The following POLQ variants were observed in gnomAD, a reference collection of about 807,000 sequenced individuals.
POLQ encodes the protein epididymis secretory sperm binding protein.
Under a neutral mutation model 259.2 loss-of-function variants are expected in POLQ, and 233 were observed. The observed-to-expected ratio is 0.90, with a 90% confidence interval of 0.81 to 1.00. The LOEUF (loss-of-function observed/expected upper bound fraction) is 1.00, where lower values mean the gene tolerates loss of function less well. Among genes scored for constraint, POLQ ranks in the 50% least tolerant of loss-of-function variants. The pLI, the probability that POLQ is intolerant of heterozygous loss-of-function variation, is 0.00. For missense variants in POLQ, 2,871 were observed against 3,051.6 expected (o/e 0.94, Z 1.39); for synonymous variants, 1,025 against 1,048.8 (o/e 0.98, Z 0.44).
intron 23 of POLQ, 151 bp from the exon 24 acceptor site, chr3:121,467,791 AG>A (rs2047851084): frequency 1.3e-6 from 1 of 759,126 alleles, no homozygotes; most frequent in Non-Finnish European, 2.1e-6. Flanking sequence ...CTGTAATACC[AG>A]CACTTTGGGA....
chr3:121,524,864 T>C (rs1425510943), intron 7 of POLQ, among the ~76,000 whole-genome samples: 3 of 152,246 alleles, frequency 2.0e-5, no homozygotes, highest in East Asian at 3.9e-4. Flanking sequence ...CATTTTCTTA[T>C]AAATAATACC....
At chr3:121,532,320 C>T (rs1422006909) in intron 6 of POLQ, among the ~76,000 whole-genome samples, 1 of 151,992 alleles carries the variant, frequency 6.6e-6, no homozygotes, top group Non-Finnish European at 1.5e-5. Flanking sequence ...TACCATTTAA[C>T]AAAAAAGTTA....
At chr3:121,537,289 A>G (rs971072006) in intron 4 of POLQ, 81 bp from the exon 5 acceptor site, 7 of 783,196 alleles carry the variant, frequency 8.9e-6, no homozygotes, top group South Asian at 1.5e-5. Context: ...ATTTCACTCT[A>G]TTTAATTTCC....
Position 121,488,461 on chromosome 3 carries a change from T to C in POLQ, c.4470A>G (p.Leu1490=), listed in dbSNP as rs2048033187. Reference sequence around the variant, plus strand: ...GATAGTCATCACTGAAGCTATCAAATAGTAAACTATCACTCATATTCAAAC... The same window carrying C: ...GATAGTCATCACTGAAGCTATCAAACAGTAAACTATCACTCATATTCAAAC... ...ETSLNMSDSL[L]FDSFSDDYLV... Residue 1490 remains leucine, a synonymous_variant, in exon 16 of 30, where the codon CTA becomes CTG. Transcript: ENST00000264233. 3 of 1,609,912 alleles carry C rather than the reference T, an allele frequency of 1.9e-6. No homozygotes were observed. Among genetic ancestry groups the C allele is most frequent in the African/African-American group, 2.7e-5 (2 of 74,838 alleles).
chr3:121,529,643 AC>A lies in POLQ; in HGVS notation c.1108+1del, dbSNP rs764511895. 2.8e-5 allele frequency: 45 copies of A among 1,612,636 alleles called. No homozygotes were observed. In the South Asian group the frequency reaches 4.9e-4, roughly 18 times the overall value. On this transcript the variant is annotated splice_donor_variant, in intron 7 of 29. Transcript: ENST00000264233. LOFTEE classifies it high-confidence loss of function. Reference sequence around the variant, plus strand: ...AGGCTTTCCTTTCCATCCATAACTCACCCTCAGCTTGATGATGTAGATTATA... The same window carrying A: ...AGGCTTTCCTTTCCATCCATAACTCACCTCAGCTTGATGATGTAGATTATA...
At chr3:121,536,509 TTATA>T in intron 5 of POLQ, among the ~76,000 whole-genome samples, 2 of 151,700 alleles carry the variant, frequency 1.3e-5, no homozygotes, top group Middle Eastern at 6.8e-3. Context: ...GCCTGACTAC[TTATA>T]TATATATAGA....
chr3:121,520,062 T>C lies in POLQ; in HGVS notation c.1277A>G (p.Asp426Gly). Residue 426 changes from aspartate (D) to glycine (G), a missense_variant, in exon 9 of 30, where the codon GAT becomes GGT. Around this residue, in one of 3 missense-constraint regions of POLQ, gnomAD observed 783 missense variants for 906.2 expected, o/e 0.86. Coordinates refer to ENST00000264233, the MANE Select transcript of POLQ (RefSeq NM_199420.4). Reference sequence around the variant, plus strand: ...TTGACGAAAGGCTCCTTCAATGATATCCCTCTCCTCAAAAGTAAGACCTAA... The same window carrying C: ...TTGACGAAAGGCTCCTTCAATGATACCCCTCTCCTCAAAAGTAAGACCTAA... ...HHAGLTFEER[D>G]IIEGAFRQGL... The C allele has an allele frequency of 1.2e-6, 2 of 1,611,278 alleles. No homozygotes were observed. The highest frequency in any genetic ancestry group is 1.7e-6 in the Non-Finnish European group (2 of 1,177,666).
intron 5 of POLQ, among the ~76,000 whole-genome samples, chr3:121,533,865 C>G (rs1233772534): frequency 2.0e-5 from 3 of 150,380 alleles, no homozygotes; most frequent in Non-Finnish European, 4.4e-5. Context: ...AATGAGACTA[C>G]TGAGCATCAC....
intron 25 of POLQ, among the ~76,000 whole-genome samples, chr3:121,454,762 G>C (rs1018861445): frequency 1.3e-5 from 2 of 152,136 alleles, no homozygotes; most frequent in African/African-American, 4.8e-5. Context: ...AAGAGACTTA[G>C]ACTCCCACAC....
chr3:121,465,429 T>A (rs1471992236), intron 24 of POLQ, among the ~76,000 whole-genome samples: 1 of 152,160 alleles, frequency 6.6e-6, no homozygotes, highest in Non-Finnish European at 1.5e-5. Flanking sequence ...AACTTGGGCG[T>A]GTGATCTACT....
In POLQ at chr3:121,487,915, A is replaced by G. The variant is rs2048027728; in HGVS notation, c.5016T>C (p.Asn1672=). 1.2e-6 allele frequency: 2 copies of G among 1,605,558 alleles called. No individual in the cohort carries two copies. Among genetic ancestry groups the G allele is most frequent in the Non-Finnish European group, 1.7e-6 (2 of 1,176,794 alleles). ...CTTCTTGTTCTTCATTTAACTCTGTATTTTTTCTATTCAAACTGGAAAAGT... is the reference window on the plus strand; with the variant it reads ...CTTCTTGTTCTTCATTTAACTCTGTGTTTTTTCTATTCAAACTGGAAAAGT... ...TINFSSLNRK[N]TELNEEQEVI... Residue 1672 remains asparagine (N), a synonymous_variant, in exon 16 of 30, where the codon AAT becomes AAC. Coordinates refer to ENST00000264233, the MANE Select transcript of POLQ (RefSeq NM_199420.4).
chr3:121,460,639 G>T (rs1379584538), intron 24 of POLQ, among the ~76,000 whole-genome samples: 1 of 152,082 alleles, frequency 6.6e-6, no homozygotes, highest in Non-Finnish European at 1.5e-5. Context: ...TAGATAATAG[G>T]CCCTTAACAA....
chr3:121,435,259 G>T (rs1344143808), intron 28 of POLQ, among the ~76,000 whole-genome samples: 1 of 152,062 alleles, frequency 6.6e-6, no homozygotes. Context: ...AAGAAAAAAA[G>T]AAAATTTCAC....
rs138777338 is a variant in POLQ at position 121,533,119 on chromosome 3, C to A, written c.831G>T (p.Trp277Cys). 1.9e-6 allele frequency: 3 copies of A among 1,613,918 alleles called. No individual in the cohort carries two copies. The African/African-American group carries it at 4.0e-5, about 22-fold the overall frequency. ...CGGTATGGTAGAGTTCAGCATTCAACCAGGAAGCCACAAGCTCCAAATTAG... is the reference window on the plus strand; with the variant it reads ...CGGTATGGTAGAGTTCAGCATTCAAACAGGAAGCCACAAGCTCCAAATTAG... ...TLPNLELVASWLNAELYHTDF... is the reference protein window; with the variant it reads ...TLPNLELVASCLNAELYHTDF... Residue 277 changes from tryptophan (W) to cysteine (C), a missense_variant, in exon 6 of 30, where the codon TGG becomes TGT. Physicochemically the swap from Trp to Cys is radical, Grantham distance 215. Coordinates refer to ENST00000264233, the MANE Select transcript of POLQ (RefSeq NM_199420.4).
chr3:121,461,022 A>G (rs2047787358), intron 24 of POLQ, among the ~76,000 whole-genome samples: 1 of 152,252 alleles, frequency 6.6e-6, no homozygotes, highest in African/African-American at 2.4e-5. Context: ...TAAAAACAAA[A>G]GAACCTTAAA....
rs1212760822 is a variant in POLQ at position 121,490,353 on chromosome 3, G to C, written c.2578C>G (p.Arg860Gly). 1 of 1,614,208 alleles carries C rather than the reference G, an allele frequency of 6.2e-7. No individual in the cohort carries two copies. Among genetic ancestry groups the C allele is most frequent in the East Asian group, 2.2e-5 (1 of 44,888 alleles). ...TTTCTGCCAGTCACCCAGATAGTTCGCATATTGCGACGTTCTTCAACTGCT... is the reference window on the plus strand; with the variant it reads ...TTTCTGCCAGTCACCCAGATAGTTCCCATATTGCGACGTTCTTCAACTGCT... ...EEAVEERRNM[R>G]TIWVTGRKGL... The change falls in exon 16 of 30, where the codon CGA becomes GGA. Residue 860 changes from arginine to glycine, a missense_variant. Physicochemically the swap from Arg to Gly is moderately radical, Grantham distance 125. This residue lies in a region of POLQ where 2,080 missense variants were observed against 2,126.0 expected (regional missense o/e 0.98). Coordinates refer to ENST00000264233, the MANE Select transcript of POLQ (RefSeq NM_199420.4).
chr3:121,526,924 G>A (rs2048377989), intron 7 of POLQ, among the ~76,000 whole-genome samples: 3 of 152,032 alleles, frequency 2.0e-5, no homozygotes, highest in South Asian at 4.1e-4. Flanking sequence ...TGTGGCGACA[G>A]GATCTCACTC....
chr3:121,501,661 C>CAAAAAAAAA (rs60180456), intron 12 of POLQ, among the ~76,000 whole-genome samples: 1 of 39,914 alleles, frequency 2.5e-5, no homozygotes, highest in Non-Finnish European at 4.0e-5. Flanking sequence ...GACTCCGTCT[C>CAAAAAAAAA]AAAAAAAAAA....
chr3:121,474,896 T>G (rs1576409812), intron 20 of POLQ, among the ~76,000 whole-genome samples: 1 of 152,226 alleles, frequency 6.6e-6, no homozygotes, highest in Non-Finnish European at 1.5e-5. Flanking sequence ...TGACAAATTA[T>G]AGTTGTATAC....
Sources: gnomAD v4.1 joint callset for allele counts (sites outside exome capture counted in the v4.1 genomes callset) on GRCh38, gnomAD v4.1.1 for gene constraint, gnomAD v4.1.1 regional missense constraint, MANE v1.5 for transcripts, NCBI Gene and HGNC (gene_info 2026-07-23, HGNC 2026-07-21) for gene names.